Variants in ARK2N observed in about 807,000 individuals in gnomAD.
The protein encoded by ARK2N is protein ARK2N.
chr18:46,228,667 C>CTTA, the ARK2N span: 28 of 395,368 alleles, frequency 7.1e-5, no homozygotes, highest in Non-Finnish European at 1.2e-4. Context: ...CTCACTGTAA[C>CTTA]CTCTGCCTCC....
At chr18:46,226,706 C>G in the ARK2N span, among the ~76,000 whole-genome samples, 1 of 151,908 alleles carries the variant, frequency 6.6e-6, no homozygotes, top group South Asian at 2.1e-4. Context: ...TCTAGTAATA[C>G]TGTGAGACAC....
chr18:46,226,126 CATTTA>C, the ARK2N span, among the ~76,000 whole-genome samples: 26 of 152,242 alleles, frequency 1.7e-4, no homozygotes, highest in African/African-American at 6.3e-4. Context: ...TTCCACATGT[CATTTA>C]ATAATCTAAT....
At chr18:46,259,485 G>T in the ARK2N span, among the ~76,000 whole-genome samples, 2 of 151,842 alleles carry the variant, frequency 1.3e-5, no homozygotes, top group Admixed American at 1.3e-4. Context: ...CCCATGATCC[G>T]CCTACCTCGG....
the ARK2N span, among the ~76,000 whole-genome samples, chr18:46,179,661 T>C: frequency 6.6e-6 from 1 of 151,762 alleles, no homozygotes; most frequent in Non-Finnish European, 1.5e-5. Context: ...GTTTCGCTCT[T>C]GTTGCCCAGG....
the ARK2N span, among the ~76,000 whole-genome samples, chr18:46,183,314 G>A: frequency 2.3e-4 from 35 of 152,228 alleles, no homozygotes; most frequent in Middle Eastern, 6.8e-3. Flanking sequence ...GGTGGTAAAC[G>A]TTTTTCTCTG....
chr18:46,185,667 A>G, the ARK2N span, among the ~76,000 whole-genome samples: 1 of 152,140 alleles, frequency 6.6e-6, no homozygotes, highest in African/African-American at 2.4e-5. Context: ...CAGTCTGCAT[A>G]TTCCCTATCC....
the ARK2N span, among the ~76,000 whole-genome samples, chr18:46,207,115 T>C: frequency 6.6e-6 from 1 of 152,164 alleles, no homozygotes; most frequent in African/African-American, 2.4e-5. Context: ...GTGATCCTTC[T>C]GACGCTACTC....
the ARK2N span, among the ~76,000 whole-genome samples, chr18:46,236,425 G>T: frequency 6.6e-6 from 1 of 152,150 alleles, no homozygotes; most frequent in African/African-American, 2.4e-5. Flanking sequence ...CAGATTGAAT[G>T]GTTATTAATT....
the ARK2N span, among the ~76,000 whole-genome samples, chr18:46,202,912 T>TG: frequency 6.6e-6 from 1 of 152,256 alleles, no homozygotes; most frequent in African/African-American, 2.4e-5. Flanking sequence ...CTAGATATGA[T>TG]GGACTTGGAG....
the ARK2N span, among the ~76,000 whole-genome samples, chr18:46,188,200 TTATATA>T: frequency 1.3e-5 from 2 of 151,952 alleles, no homozygotes; most frequent in South Asian, 2.1e-4. Flanking sequence ...CTTTAAAATC[TTATATA>T]TATATATTTT....
chr18:46,265,535 A>G, the ARK2N span: 1 of 152,198 alleles, frequency 6.6e-6, no homozygotes, highest in African/African-American at 2.4e-5. Flanking sequence ...CCAGCTCCCA[A>G]CTGCCTGACT....
At chr18:46,204,778 C>T in the ARK2N span, among the ~76,000 whole-genome samples, 1 of 151,968 alleles carries the variant, frequency 6.6e-6, no homozygotes, top group Non-Finnish European at 1.5e-5. Flanking sequence ...TTTATGGTGT[C>T]AACTTGTGGT....
the ARK2N span, among the ~76,000 whole-genome samples, chr18:46,237,137 A>G: frequency 6.6e-6 from 1 of 152,036 alleles, no homozygotes; most frequent in Non-Finnish European, 1.5e-5. Flanking sequence ...TGCTGGGGTT[A>G]TAGGTGTGAG....
At chr18:46,249,045 G>T in the ARK2N span, among the ~76,000 whole-genome samples, 1,616 of 152,182 alleles carry the variant, frequency 0.011, 36 homozygotes, top group African/African-American at 0.036. Context: ...TGACTTTCCT[G>T]TTGTACTTAC....
chr18:46,226,568 T>C, the ARK2N span, among the ~76,000 whole-genome samples: 1 of 152,214 alleles, frequency 6.6e-6, no homozygotes, highest in Non-Finnish European at 1.5e-5. Flanking sequence ...GCCTTAGTTA[T>C]GTTAAAGAGC....
chr18:46,211,296 C>G, the ARK2N span, among the ~76,000 whole-genome samples: 1 of 152,066 alleles, frequency 6.6e-6, no homozygotes, highest in Non-Finnish European at 1.5e-5. Context: ...ACAGCCCTGA[C>G]CCCCTGGGCT....
At chr18:46,198,679 A>G in the ARK2N span, among the ~76,000 whole-genome samples, 1 of 151,722 alleles carries the variant, frequency 6.6e-6, no homozygotes, top group Non-Finnish European at 1.5e-5. Flanking sequence ...GCTCACTGCA[A>G]CCTCCACCTC....
the ARK2N span, among the ~76,000 whole-genome samples, chr18:46,199,780 C>T: frequency 6.6e-6 from 1 of 152,100 alleles, no homozygotes; most frequent in South Asian, 2.1e-4. Context: ...ATCTCCTTCC[C>T]AATCTTCTTC....
chr18:46,185,817 A>G, the ARK2N span, among the ~76,000 whole-genome samples: 1 of 151,824 alleles, frequency 6.6e-6, no homozygotes, highest in Non-Finnish European at 1.5e-5. Context: ...TGAAACCCCG[A>G]CTCTACTAAA....
Sources: gnomAD v4.1 joint callset for allele counts (sites outside exome capture counted in the v4.1 genomes callset) on GRCh38, gnomAD v4.1.1 for gene constraint, MANE v1.5 for transcripts, NCBI Gene and HGNC (gene_info 2026-07-23, HGNC 2026-07-21) for gene names.